Variants in BMAL1 observed in about 807,000 individuals in gnomAD.
BMAL1 encodes the protein basic helix-loop-helix ARNT-like protein 1.
chr11:13,380,977 G>A, the BMAL1 span: 1 of 565,820 alleles, frequency 1.8e-6, no homozygotes, highest in Admixed American at 3.1e-5. Context: ...AAGCTGCAGA[G>A]GCAGAGTTGA....
chr11:13,375,892 A>G, the BMAL1 span: 5 of 879,684 alleles, frequency 5.7e-6, no homozygotes, highest in Non-Finnish European at 8.1e-6. Context: ...ATACCTGTGA[A>G]GCCTCAGGAC....
chr11:13,333,382 C>T, the BMAL1 span, among the ~76,000 whole-genome samples: 1 of 152,200 alleles, frequency 6.6e-6, no homozygotes, highest in Non-Finnish European at 1.5e-5. Context: ...TCCAGAAACA[C>T]TTTTGGTTCT....
the BMAL1 span, among the ~76,000 whole-genome samples, chr11:13,319,386 G>A: frequency 6.6e-6 from 1 of 152,132 alleles, no homozygotes; most frequent in Non-Finnish European, 1.5e-5. Flanking sequence ...TGGTTTAAAT[G>A]GTTTGCTGTT....
chr11:13,288,175 G>A, the BMAL1 span, among the ~76,000 whole-genome samples: 4 of 152,178 alleles, frequency 2.6e-5, no homozygotes, highest in Admixed American at 1.3e-4. Context: ...TAAAATGGAA[G>A]GTTCTTAAAT....
At chr11:13,305,461 G>A in the BMAL1 span, among the ~76,000 whole-genome samples, 2 of 152,120 alleles carry the variant, frequency 1.3e-5, no homozygotes, top group African/African-American at 4.8e-5. Context: ...TATCTTGCAT[G>A]TTTGCTAAAC....
At chr11:13,315,985 G>A in the BMAL1 span, among the ~76,000 whole-genome samples, 5 of 152,210 alleles carry the variant, frequency 3.3e-5, no homozygotes, top group Non-Finnish European at 7.3e-5. Context: ...GCTGTGCTGA[G>A]GAAACATCTG....
the BMAL1 span, chr11:13,354,455 C>T: frequency 6.2e-7 from 1 of 1,613,098 alleles, no homozygotes; most frequent in Admixed American, 1.7e-5. Context: ...ACCAGTAAGG[C>T]CTTTGGGGCA....
the BMAL1 span, among the ~76,000 whole-genome samples, chr11:13,373,401 G>A: frequency 6.6e-6 from 1 of 152,216 alleles, no homozygotes; most frequent in African/African-American, 2.4e-5. Context: ...TGTGGCCTCA[G>A]CTGCTGCAGC....
the BMAL1 span, chr11:13,365,321 A>ACACACACACACAC: frequency 1.9e-5 from 9 of 475,032 alleles, no homozygotes; most frequent in South Asian, 4.9e-5. Context: ...ACACACACAC[A>ACACACACACACAC]ATCTTACAGT....
the BMAL1 span, among the ~76,000 whole-genome samples, chr11:13,300,399 T>C: frequency 1.3e-5 from 2 of 152,234 alleles, no homozygotes; most frequent in Non-Finnish European, 2.9e-5. Context: ...GTCATGAGGA[T>C]ATATAAAAAA....
At chr11:13,360,480 A>G in the BMAL1 span, 1 of 1,515,058 alleles carries the variant, frequency 6.6e-7, no homozygotes, top group African/African-American at 1.4e-5. Context: ...TTTTCAAGTA[A>G]GTACCAGCAT....
At chr11:13,312,449 A>G in the BMAL1 span, among the ~76,000 whole-genome samples, 1 of 152,092 alleles carries the variant, frequency 6.6e-6, no homozygotes, top group African/African-American at 2.4e-5. Context: ...ACTTCTTAGG[A>G]GTCTATTGAA....
chr11:13,346,621 A>G, the BMAL1 span, among the ~76,000 whole-genome samples: 2 of 152,070 alleles, frequency 1.3e-5, no homozygotes, highest in Non-Finnish European at 2.9e-5. Context: ...CTTCCTGTGG[A>G]GCCCCTGAGA....
the BMAL1 span, among the ~76,000 whole-genome samples, chr11:13,288,831 C>G: frequency 4.5e-4 from 68 of 152,144 alleles, no homozygotes; most frequent in Non-Finnish European, 8.8e-4. Context: ...CTTTAGATTT[C>G]TAGAGTGCGG....
chr11:13,327,005 A>G, the BMAL1 span, among the ~76,000 whole-genome samples: 3 of 151,924 alleles, frequency 2.0e-5, no homozygotes, highest in Non-Finnish European at 2.9e-5. Flanking sequence ...TATTTTTAGT[A>G]GAGACGGGGT....
the BMAL1 span, among the ~76,000 whole-genome samples, chr11:13,367,949 G>A: frequency 2.0e-5 from 3 of 152,200 alleles, no homozygotes; most frequent in African/African-American, 7.2e-5. Context: ...GTGGCCTAAT[G>A]TCTTGCTCCC....
the BMAL1 span, chr11:13,375,506 G>T: frequency 1.1e-6 from 1 of 937,088 alleles, no homozygotes; most frequent in South Asian, 2.1e-5. Flanking sequence ...TTACTAAAGA[G>T]CGATGTCGTT....
At chr11:13,381,852 C>T in the BMAL1 span, among the ~76,000 whole-genome samples, 1 of 152,176 alleles carries the variant, frequency 6.6e-6, no homozygotes, top group South Asian at 2.1e-4. Flanking sequence ...TGCTGGAGAA[C>T]TTATAAGCCT....
the BMAL1 span, among the ~76,000 whole-genome samples, chr11:13,302,091 A>G: frequency 6.6e-6 from 1 of 152,130 alleles, no homozygotes; most frequent in Non-Finnish European, 1.5e-5. Flanking sequence ...AGAGATGGAG[A>G]TGAGGGGCAT....
Sources: gnomAD v4.1 joint callset for allele counts (sites outside exome capture counted in the v4.1 genomes callset) on GRCh38, gnomAD v4.1.1 for gene constraint, MANE v1.5 for transcripts, NCBI Gene and HGNC (gene_info 2026-07-23, HGNC 2026-07-21) for gene names.